UGT1A8: variants seen among roughly 807,000 people sequenced by gnomAD.
The protein encoded by UGT1A8 is UDP-glucuronosyltransferase 1A8.
A neutral mutation model predicts 45.3 loss-of-function variants in UGT1A8; 39 were observed. The ratio of observed to expected loss-of-function variants is 0.86; its 90% CI spans 0.67 to 1.12. The LOEUF (loss-of-function observed/expected upper bound fraction) is 1.12. UGT1A8 is among the 50% of genes most tolerant of loss of function. The pLI is 0.00. For synonymous variants in UGT1A8, 275 were observed against 249.2 expected (o/e 1.10, Z -0.97); for missense variants, 719 against 664.9 (o/e 1.08, Z -0.90).
chr2:233,748,202 A>G (rs1693892993), intron 1 of UGT1A8: 1 of 1,528,284 alleles, frequency 6.5e-7, no homozygotes. Flanking sequence ...GCTTGTCGTA[A>G]TAGCCTTCAG....
chr2:233,716,533 C>T (rs1284629795), intron 1 of UGT1A8, among the ~76,000 whole-genome samples: 2 of 152,142 alleles, frequency 1.3e-5, no homozygotes, highest in South Asian at 2.1e-4. Flanking sequence ...TCAATTATCT[C>T]CTTTCTCTCC....
intron 1 of UGT1A8, among the ~76,000 whole-genome samples, chr2:233,624,658 C>T (rs1369208629): frequency 2.0e-5 from 3 of 151,730 alleles, no homozygotes; most frequent in African/African-American, 7.3e-5. Context: ...ATTGTTTTTG[C>T]TATTGTAGGT....
At chr2:233,667,646 A>G (rs1448262048) in intron 1 of UGT1A8, among the ~76,000 whole-genome samples, 2 of 152,248 alleles carry the variant, frequency 1.3e-5, no homozygotes, top group African/African-American at 4.8e-5. Flanking sequence ...ACAAAGGGCT[A>G]ATATCCAGAA....
At chr2:233,761,295 T>C in intron 1 of UGT1A8, 1 of 1,507,920 alleles carries the variant, frequency 6.6e-7, no homozygotes. Flanking sequence ...GACTCCTAGG[T>C]TTGAGTCTGT....
intron 1 of UGT1A8, chr2:233,729,155 C>G (rs754518469): frequency 1.9e-6 from 3 of 1,613,596 alleles, no homozygotes; most frequent in South Asian, 1.1e-5. Context: ...GTTCCCCTGC[C>G]GTGGCTGGCC....
chr2:233,750,098 G>A (rs1449295750), intron 1 of UGT1A8, among the ~76,000 whole-genome samples: 1 of 151,902 alleles, frequency 6.6e-6, no homozygotes, highest in Non-Finnish European at 1.5e-5. Context: ...AGTTTGGAGA[G>A]CTCAGAAGAA....
At chr2:233,689,481 A>G (rs2074946128) in intron 1 of UGT1A8, among the ~76,000 whole-genome samples, 1 of 152,240 alleles carries the variant, frequency 6.6e-6, no homozygotes, top group African/African-American at 2.4e-5. Context: ...TTACAAGAAG[A>G]AATCGCAAAT....
chr2:233,731,901 A>G (rs1358657529), intron 1 of UGT1A8, among the ~76,000 whole-genome samples: 15 of 152,182 alleles, frequency 9.9e-5, no homozygotes, highest in Non-Finnish European at 1.9e-4. Flanking sequence ...ACTCCCACCA[A>G]TGGTGTAAAA....
At chr2:233,632,375 G>T (rs536902933) in intron 1 of UGT1A8, among the ~76,000 whole-genome samples, 88 of 152,282 alleles carry the variant, frequency 5.8e-4, no homozygotes, top group African/African-American at 2.0e-3. Flanking sequence ...TGTGAAGAAA[G>T]TCAATGGTAG....
intron 1 of UGT1A8, chr2:233,682,575 A>T: frequency 6.2e-7 from 1 of 1,613,882 alleles, no homozygotes; most frequent in South Asian, 1.1e-5. Context: ...CACATCATGC[A>T]CTTGGAGGAA....
intron 1 of UGT1A8, among the ~76,000 whole-genome samples, chr2:233,737,380 C>T (rs1472756282): frequency 6.6e-6 from 1 of 152,238 alleles, no homozygotes; most frequent in Non-Finnish European, 1.5e-5. Context: ...GGGAGAGAAT[C>T]TCCTTGTCTG....
intron 1 of UGT1A8, 70 bp downstream of exon 1, chr2:233,618,632 A>AACG (rs2072946373): frequency 6.5e-7 from 1 of 1,529,494 alleles, no homozygotes; most frequent in African/African-American, 1.4e-5. Context: ...TTCCTTACTG[A>AACG]ATTGTGATTT....
chr2:233,712,191 C>T (rs1334257892), intron 1 of UGT1A8, among the ~76,000 whole-genome samples: 1 of 152,204 alleles, frequency 6.6e-6, no homozygotes, highest in Non-Finnish European at 1.5e-5. Flanking sequence ...CTCCAGCTCC[C>T]CCGGTCCCTT....
chr2:233,640,121 C>G (rs1471833700), intron 1 of UGT1A8, among the ~76,000 whole-genome samples: 2 of 152,148 alleles, frequency 1.3e-5, no homozygotes, highest in African/African-American at 4.8e-5. Context: ...GTCCAAGATC[C>G]AAATTCAAAG....
intron 1 of UGT1A8, chr2:233,690,756 GACATACACACACACAC>G (rs2075007823): frequency 2.7e-6 from 3 of 1,107,062 alleles, no homozygotes; most frequent in African/African-American, 2.3e-5. Context: ...GTCCAGTGCA[GACATACACACACACAC>G]ACATACACAC....
intron 1 of UGT1A8, among the ~76,000 whole-genome samples, chr2:233,739,668 T>C (rs1477304196): frequency 6.6e-6 from 1 of 152,244 alleles, no homozygotes; most frequent in Non-Finnish European, 1.5e-5. Context: ...CATTGTGTCT[T>C]GGAAGTTACT....
intron 1 of UGT1A8, among the ~76,000 whole-genome samples, chr2:233,670,624 T>A (rs1445291961): frequency 6.6e-6 from 1 of 152,212 alleles, no homozygotes; most frequent in Non-Finnish European, 1.5e-5. Flanking sequence ...TCATCTTCTG[T>A]TGATTCCTCT....
intron 1 of UGT1A8, among the ~76,000 whole-genome samples, chr2:233,716,097 C>T (rs1196579802): frequency 6.6e-6 from 1 of 152,176 alleles, no homozygotes; most frequent in Non-Finnish European, 1.5e-5. Flanking sequence ...ATTCCTTTAA[C>T]AGAAATTTAG....
chr2:233,739,208 T>A lies in UGT1A8; in HGVS notation c.856-27826T>A, dbSNP rs185605986. 2.6e-3 allele frequency among the ~76,000 whole-genome samples: 389 copies of A among 152,338 alleles called. 3 individuals are homozygous for A. Among genetic ancestry groups the A allele is most frequent in the Non-Finnish European group, 3.9e-3 (262 of 68,030 alleles). On this transcript the variant is annotated intron_variant, in intron 1 of 4. Coordinates refer to ENST00000373450, the MANE Select transcript of UGT1A8 (RefSeq NM_019076.5). ...GATGTCCAGGCAGACGTTTGCTGCA[T>A]GGATAGAGTCCTTATAGAGAACCTC...
Sources: allele counts gnomAD v4.1 joint callset (sites outside exome capture counted in the v4.1 genomes callset), GRCh38; gene constraint gnomAD v4.1.1; transcripts MANE v1.5; gene names NCBI Gene and HGNC (gene_info 2026-07-23, HGNC 2026-07-21).